The following FAM13A variants were observed in gnomAD, a reference collection of about 807,000 sequenced individuals.
FAM13A encodes the protein protein FAM13A.
A neutral mutation model predicts 129.6 loss-of-function variants in FAM13A; 76 were observed. The observed-to-expected ratio is 0.59, with a 90% CI of 0.49 to 0.71. The LOEUF is 0.71. Ranked by LOEUF, FAM13A falls within the 30% of genes least tolerant of loss-of-function variation. The pLI is 0.00. For synonymous variants in FAM13A, 443 were observed against 449.9 expected (o/e 0.98, Z 0.20); for missense variants, 1,108 against 1,249.3 (o/e 0.89, Z 1.70).
chr4:88,960,259 T>C (rs893509027), intron 4 of FAM13A, among the ~76,000 whole-genome samples: 8 of 152,338 alleles, frequency 5.3e-5, no homozygotes, highest in Non-Finnish European at 1.2e-4. Context: ...TCACTATGTG[T>C]TTCTCTTTTT....
At chr4:88,784,821 T>C (rs1280564829) in intron 10 of FAM13A, among the ~76,000 whole-genome samples, 4 of 152,156 alleles carry the variant, frequency 2.6e-5, no homozygotes, top group African/African-American at 9.6e-5. Flanking sequence ...ATATACCCAT[T>C]ACCAAAATTT....
rs568064845 is a variant in FAM13A, at chr4:88,767,860, T to C, written c.1535+123A>G. 3.3e-5 allele frequency: 22 copies of C among 666,584 alleles called. 1 individual carries two copies. In the South Asian group the frequency reaches 4.4e-4, roughly 13 times the overall value. The allele number at this position is 666,584 out of a possible 1,614,324, so 41.3% of individuals were successfully genotyped here. On this transcript the variant is annotated intron_variant, in intron 12 of 23. Transcript: ENST00000264344. ...TAAGCATTTTCCTTGCTATAAAATA[T>C]TGCTGGTAAATATATAGTCCTTTAA...
At chr4:88,823,078 C>T in intron 7 of FAM13A, 3 of 1,599,884 alleles carry the variant, frequency 1.9e-6, no homozygotes, top group East Asian at 2.2e-5. Flanking sequence ...GTACAGTGAA[C>T]GTCTTCTTAC....
intron 2 of FAM13A, among the ~76,000 whole-genome samples, chr4:89,025,855 C>T (rs532996877): frequency 1.3e-5 from 2 of 152,062 alleles, no homozygotes; most frequent in East Asian, 1.9e-4. Context: ...ACGGGTATAG[C>T]AATACTGTTT....
At chr4:88,873,171 C>T (rs1401324329) in intron 6 of FAM13A, among the ~76,000 whole-genome samples, 1 of 152,032 alleles carries the variant, frequency 6.6e-6, no homozygotes, top group African/African-American at 2.4e-5. Context: ...GCACTAAATG[C>T]CCATAAGAGA....
chr4:88,908,670 G>T (rs577663215), intron 5 of FAM13A, among the ~76,000 whole-genome samples: 465 of 152,192 alleles, frequency 3.1e-3, no homozygotes, highest in Non-Finnish European at 5.5e-3. Flanking sequence ...TTTACTTTTT[G>T]TTTTATGACT....
At chr4:88,857,295 C>A (rs919764321) in intron 6 of FAM13A, among the ~76,000 whole-genome samples, 1 of 152,024 alleles carries the variant, frequency 6.6e-6, no homozygotes, top group African/African-American at 2.4e-5. Flanking sequence ...AGAAAAATCA[C>A]GCATAGATGA....
chr4:88,964,755 GT>G (rs1274181551), intron 4 of FAM13A, among the ~76,000 whole-genome samples: 1 of 151,486 alleles, frequency 6.6e-6, no homozygotes, highest in Non-Finnish European at 1.5e-5. Flanking sequence ...AGCCTCTGGA[GT>G]AGCTAAGATC....
intron 6 of FAM13A, among the ~76,000 whole-genome samples, chr4:88,859,100 T>A (rs1739046960): frequency 6.6e-6 from 1 of 152,178 alleles, no homozygotes; most frequent in Non-Finnish European, 1.5e-5. Context: ...TTTCTCCATT[T>A]TCAAAGGAGA....
rs372082816 is a variant in FAM13A at position 88,940,869 on chromosome 4, T to C, written c.606-2628A>G. Among the ~76,000 whole-genome samples, 36 of 152,220 alleles carry C rather than the reference T, an allele frequency of 2.4e-4. No homozygotes were observed. The South Asian group carries it at 5.2e-3, about 22-fold the overall frequency. On this transcript the variant is annotated intron_variant, in intron 4 of 23. Coordinates refer to ENST00000264344, the MANE Select transcript of FAM13A (RefSeq NM_014883.4). ...TTTCTTATAATGAAGTGAATCTCTA[T>C]AAAATCCACAGAAGACTCACAGAGT...
At chr4:88,958,787 G>A (rs529615692) in intron 4 of FAM13A, among the ~76,000 whole-genome samples, 1 of 152,308 alleles carries the variant, frequency 6.6e-6, no homozygotes, top group Admixed American at 6.5e-5. Context: ...TCCCAGAATG[G>A]TAAATCCAGT....
chr4:88,766,745 G>T (rs977240564), intron 13 of FAM13A, among the ~76,000 whole-genome samples: 4 of 152,176 alleles, frequency 2.6e-5, no homozygotes, highest in African/African-American at 9.7e-5. Flanking sequence ...ATCCATCAGT[G>T]AATTAGGTCA....
intron 7 of FAM13A, among the ~76,000 whole-genome samples, chr4:88,808,887 T>C (rs904817129): frequency 6.6e-6 from 1 of 152,162 alleles, no homozygotes; most frequent in East Asian, 1.9e-4. Flanking sequence ...AAATAACTGC[T>C]TGTAGGAAGA....
chr4:88,844,918 C>CT lies in FAM13A; in HGVS notation c.1007+6101dup, dbSNP rs374980256. Among the ~76,000 whole-genome samples, 365 of 152,136 alleles carry CT rather than the reference C, an allele frequency of 2.4e-3. 2 individuals carry two copies. Among genetic ancestry groups the CT allele is most frequent in the Middle Eastern group, 6.8e-3 (2 of 294 alleles). On this transcript the variant is annotated intron_variant, in intron 7 of 23. Coordinates refer to ENST00000264344, the MANE Select transcript of FAM13A (RefSeq NM_014883.4). ...GGAAGGGTTTGGGTTATCTGAGGGACTGGGAAGACAAGTCTGCTAGTTAGA... is the reference window on the plus strand; with the variant it reads ...GGAAGGGTTTGGGTTATCTGAGGGACTTGGGAAGACAAGTCTGCTAGTTAGA...
intron 7 of FAM13A, among the ~76,000 whole-genome samples, chr4:88,849,139 G>C (rs1056347161): frequency 2.0e-5 from 3 of 152,172 alleles, no homozygotes; most frequent in Non-Finnish European, 4.4e-5. Flanking sequence ...TAGGCATGTA[G>C]TAAATGTGTC....
intron 6 of FAM13A, among the ~76,000 whole-genome samples, chr4:88,870,685 G>A (rs887780712): frequency 3.3e-5 from 5 of 152,206 alleles, no homozygotes; most frequent in African/African-American, 1.2e-4. Flanking sequence ...CTCTACCTCT[G>A]GGAGCAGGAC....
Position 89,045,040 on chromosome 4 carries a change from A to T in FAM13A, c.27+11898T>A, listed in dbSNP as rs1050330267. Among the ~76,000 whole-genome samples the T allele has an allele frequency of 3.3e-5, 5 of 152,320 alleles. No individual in the cohort carries two copies. In the South Asian group the frequency reaches 1.0e-3, roughly 32 times the overall value. On this transcript the variant is annotated intron_variant, in intron 1 of 23. Transcript: ENST00000264344. ...ATTGTGAATATGCTTAATCTTACAGAATTATATATCTAAAATGGTTAAAAT... is the reference window on the plus strand; with the variant it reads ...ATTGTGAATATGCTTAATCTTACAGTATTATATATCTAAAATGGTTAAAAT...
chr4:88,855,125 T>G (rs1738269860), intron 6 of FAM13A, among the ~76,000 whole-genome samples: 1 of 152,206 alleles, frequency 6.6e-6, no homozygotes. Flanking sequence ...TAACCACTAG[T>G]CTATATACTT....
chr4:89,017,816 C>T (rs1379100212), intron 3 of FAM13A, among the ~76,000 whole-genome samples: 1 of 152,098 alleles, frequency 6.6e-6, no homozygotes, highest in Non-Finnish European at 1.5e-5. Context: ...TATCTTCATA[C>T]ATATCGTGAA....
Sources: gnomAD v4.1 joint callset for allele counts (sites outside exome capture counted in the v4.1 genomes callset) on GRCh38, gnomAD v4.1.1 for gene constraint, MANE v1.5 for transcripts, NCBI Gene and HGNC (gene_info 2026-07-23, HGNC 2026-07-21) for gene names.